The following UTP6 variants were observed in gnomAD, a reference collection of about 807,000 sequenced individuals.
UTP6 encodes U3 small nucleolar RNA-associated protein 6 homolog.
A neutral mutation model predicts 96.5 loss-of-function variants in UTP6; 60 were observed. The observed-to-expected ratio is 0.62, with a 90% CI of 0.51 to 0.77. UTP6 has a LOEUF of 0.77. Among genes scored for constraint, UTP6 ranks in the 30% least tolerant of loss-of-function variants. The probability of loss-of-function intolerance (pLI) is 0.00; values close to 1 mark genes in which losing one functional copy is unlikely to be tolerated. For synonymous variants in UTP6, 215 were observed against 240.1 expected (o/e 0.90, Z 0.96); for missense variants, 637 against 706.5 (o/e 0.90, Z 1.12).
intron 10 of UTP6, among the ~76,000 whole-genome samples, chr17:31,881,130 C>A (rs139111920): frequency 6.6e-6 from 1 of 151,166 alleles, no homozygotes; most frequent in African/African-American, 2.4e-5. Flanking sequence ...GAGTCGAGAT[C>A]GCATCACTCC....
At chr17:31,880,416 G>A (rs1910753730) in intron 11 of UTP6, 157 bp downstream of exon 11, 1 of 849,604 alleles carries the variant, frequency 1.2e-6, no homozygotes, top group Non-Finnish European at 1.8e-6. Context: ...ACAAGACTCT[G>A]CCTCCCAATA....
intron 14 of UTP6, 40 bp from the exon 15 acceptor site, chr17:31,873,793 A>G (rs1457545623): frequency 1.3e-6 from 2 of 1,575,366 alleles, no homozygotes; most frequent in Non-Finnish European, 8.6e-7. Flanking sequence ...AGAACAGCAT[A>G]TAACAAAACA....
Position 31,873,432 on chromosome 17 carries a change from A to C in UTP6, c.1442T>G (p.Leu481Arg). Residue 481 changes from leucine to arginine, a missense_variant, in exon 16 of 19, where the codon CTG (leucine) becomes CGG (arginine). Leu to Arg is a moderately radical substitution (Grantham distance 102). Coordinates refer to ENST00000261708, the MANE Select transcript of UTP6 (RefSeq NM_018428.3). ...GCCACCACTTCGATAAGCCCAATCC[A>C]GGTACTTATTCTTCAGGGTTACTGA... ...ADSVTLKNKY[L>R]DWAYRSGGYK... 1 of 1,614,196 alleles carries C rather than the reference A, an allele frequency of 6.2e-7. No homozygotes were observed. Among genetic ancestry groups the C allele is most frequent in the South Asian group, 1.1e-5 (1 of 91,086 alleles).
intron 2 of UTP6, among the ~76,000 whole-genome samples, chr17:31,895,926 G>A (rs1196354216): frequency 6.6e-6 from 1 of 151,310 alleles, no homozygotes; most frequent in African/African-American, 2.4e-5. Flanking sequence ...AGCTACTTGG[G>A]AGGCTGATCA....
chr17:31,900,014 C>T (rs145875224), intron 1 of UTP6, among the ~76,000 whole-genome samples: 1,916 of 151,530 alleles, frequency 0.013, 44 homozygotes, highest in African/African-American at 0.044. Context: ...CGTGGTGGTG[C>T]GTGCCTGTAG....
intron 9 of UTP6, among the ~76,000 whole-genome samples, chr17:31,885,237 C>T (rs901304295): frequency 3.3e-5 from 5 of 151,914 alleles, no homozygotes; most frequent in African/African-American, 9.7e-5. Context: ...CTCCACCTCC[C>T]GGGTTCAAGC....
intron 17 of UTP6, 107 bp downstream of exon 17, chr17:31,867,939 G>C: frequency 9.4e-7 from 1 of 1,061,222 alleles, no homozygotes; most frequent in Non-Finnish European, 1.3e-6. Flanking sequence ...CCTGGCAACA[G>C]AGCGAGACTC....
chr17:31,865,541 G>C, intron 17 of UTP6, 103 bp from the exon 18 acceptor site: 1 of 1,171,058 alleles, frequency 8.5e-7, no homozygotes. Flanking sequence ...GTATTTGAAG[G>C]GAAGAGTTTA....
chr17:31,870,287 C>T (rs1455997257), intron 16 of UTP6, among the ~76,000 whole-genome samples: 1 of 152,120 alleles, frequency 6.6e-6, no homozygotes, highest in Non-Finnish European at 1.5e-5. Flanking sequence ...TACATTCCCA[C>T]CAACAGTATA....
intron 4 of UTP6, among the ~76,000 whole-genome samples, chr17:31,894,300 C>G (rs1324900659): frequency 7.1e-6 from 1 of 140,868 alleles, no homozygotes; most frequent in Non-Finnish European, 1.5e-5. Context: ...AAAAAAAAAT[C>G]AAGTTTCTGA....
rs540883275 is a variant in UTP6, at chr17:31,893,260, AAAAC to A, written c.313-470_313-467del. ...CAACATAGGGAAGCTCCAACTCAAAAAAACAAACAAAAAAAATTAGCCAGGTGTG... is the reference window on the plus strand; with the variant it reads ...CAACATAGGGAAGCTCCAACTCAAAAAAACAAAAAAAATTAGCCAGGTGTG... On this transcript the variant is annotated intron_variant, in intron 4 of 18. Coordinates refer to ENST00000261708, the MANE Select transcript of UTP6 (RefSeq NM_018428.3). 2.3e-3 allele frequency among the ~76,000 whole-genome samples: 344 copies of A among 151,986 alleles called. 2 individuals carry two copies. The highest frequency in any genetic ancestry group is 7.9e-3 in the African/African-American group (327 of 41,470).
rs1000788390 is a variant in UTP6, at chr17:31,892,322, G to A, written c.362C>T (p.Ala121Val). 3 of 1,613,922 alleles carry A rather than the reference G, an allele frequency of 1.9e-6. No individual in the cohort carries two copies. Among genetic ancestry groups the A allele is most frequent in the Non-Finnish European group, 2.5e-6 (3 of 1,179,916 alleles). Residue 121 changes from alanine (A) to valine (V), a missense_variant and splice_region_variant, in exon 6 of 19, where the codon GCT becomes GTT. Coordinates refer to ENST00000261708, the MANE Select transcript of UTP6 (RefSeq NM_018428.3). ...LSYVAFCKKW[A>V]TKTRLSKVFS... is the part of the protein sequence containing the mutation. Reference sequence around the variant, plus strand: ...TACCTTGCTAAGTCGAGTTTTAGTAGCCTGTAAAAAAGGAAAATATTTCTA... The same window carrying A: ...TACCTTGCTAAGTCGAGTTTTAGTAACCTGTAAAAAAGGAAAATATTTCTA...
chr17:31,879,740 C>G (rs1462133946), intron 11 of UTP6, among the ~76,000 whole-genome samples: 4 of 152,000 alleles, frequency 2.6e-5, no homozygotes, highest in African/African-American at 7.2e-5. Flanking sequence ...AAGCTTCCCC[C>G]AAAATAGATG....
At chr17:31,881,036 C>A (rs998022092) in intron 10 of UTP6, among the ~76,000 whole-genome samples, 1 of 151,946 alleles carries the variant, frequency 6.6e-6, no homozygotes, top group Non-Finnish European at 1.5e-5. Flanking sequence ...ATAAGCCAGG[C>A]ATGATGGCAT....
At position 31,901,633 on chromosome 17, in the gene UTP6, C is replaced by G; in HGVS notation, c.-6G>C. ...TCCTGAATTATCTCTGCCATGAGGT[C>G]CGAGGTCTACAACCCCGCGGGTAGC... On this transcript the variant is annotated 5_prime_UTR_variant, in exon 1 of 19. Transcript: ENST00000261708. 2 of 1,613,454 alleles carry G rather than the reference C, an allele frequency of 1.2e-6. No homozygotes were observed. The highest frequency in any genetic ancestry group is 8.5e-7 in the Non-Finnish European group (1 of 1,180,002).
intron 2 of UTP6, among the ~76,000 whole-genome samples, chr17:31,898,188 C>A (rs903445624): frequency 6.6e-6 from 1 of 152,180 alleles, no homozygotes; most frequent in African/African-American, 2.4e-5. Flanking sequence ...AATGCTACTC[C>A]TGTTCAGAAA....
intron 9 of UTP6, among the ~76,000 whole-genome samples, chr17:31,885,671 C>T (rs1911105363): frequency 6.6e-6 from 1 of 151,684 alleles, no homozygotes; most frequent in African/African-American, 2.4e-5. Context: ...ACCTATAGTC[C>T]CAGCTACTTG....
chr17:31,863,498 A>G lies in UTP6; in HGVS notation c.1655T>C (p.Met552Thr), dbSNP rs747335374. The stretch of plus-strand genomic sequence containing the variant: ...AAGGGGGTGGTTCAATTCTTCTTTC[A>G]TATAATCCATCCAAAGATCTTTTAA... ...SADSDLWMDY[M>T]KEELNHPLGR... Residue 552 changes from methionine to threonine, a missense_variant, in exon 19 of 19, where the codon ATG becomes ACG. Met to Thr is a moderately conservative substitution (Grantham distance 81). Transcript: ENST00000261708. 2 of 1,609,608 alleles carry G rather than the reference A, an allele frequency of 1.2e-6. No homozygotes were observed. Among genetic ancestry groups the G allele is most frequent in the Non-Finnish European group, 1.7e-6 (2 of 1,178,630 alleles).
chr17:31,866,985 C>T (rs1272724455), intron 17 of UTP6, among the ~76,000 whole-genome samples: 1 of 150,792 alleles, frequency 6.6e-6, no homozygotes, highest in Non-Finnish European at 1.5e-5. Flanking sequence ...CATATGTGCA[C>T]GGCATTATGC....
Sources: gnomAD v4.1 joint callset for allele counts (sites outside exome capture counted in the v4.1 genomes callset) on GRCh38, gnomAD v4.1.1 for gene constraint, MANE v1.5 for transcripts, NCBI Gene and HGNC (gene_info 2026-07-23, HGNC 2026-07-21) for gene names.